CROCC: variants seen among roughly 807,000 people sequenced by gnomAD.
The protein encoded by CROCC is rootletin.
A neutral mutation model predicts 245.2 loss-of-function variants in CROCC; 180 were observed. That is an observed-to-expected ratio of 0.73 (90% CI 0.65 to 0.83). CROCC has a LOEUF of 0.83. Ranked by LOEUF, CROCC falls within the 40% of genes least tolerant of loss-of-function variation. The probability of loss-of-function intolerance (pLI) is 0.00; values close to 1 mark genes in which losing one functional copy is unlikely to be tolerated. For missense variants in CROCC, 2,688 were observed against 2,779.4 expected (o/e 0.97, Z 0.74); for synonymous variants, 1,205 against 1,241.6 (o/e 0.97, Z 0.62).
chr1:16,940,209 T>C, intron 13 of CROCC, 116 bp downstream of exon 13: 1 of 1,131,156 alleles, frequency 8.8e-7, no homozygotes, highest in Non-Finnish European at 1.2e-6. Flanking sequence ...TAGCTGCATG[T>C]GCCTATTAAC....
intron 31 of CROCC, 126 bp downstream of exon 31, chr1:16,968,544 G>A: frequency 1.0e-6 from 1 of 997,166 alleles, no homozygotes; most frequent in Non-Finnish European, 1.4e-6. Context: ...TTCACAGATG[G>A]ACAAATGGAG....
At chr1:16,933,399 G>A (rs9435790) in intron 8 of CROCC, among the ~76,000 whole-genome samples, 8,358 of 150,006 alleles carry the variant, frequency 0.056, no homozygotes, top group African/African-American at 0.084. Context: ...CCCAGGAGGC[G>A]GAGGTTTCAG....
chr1:16,944,051 A>G (rs1231080279), intron 13 of CROCC, 49 bp from the exon 14 acceptor site: 3 of 1,476,932 alleles, frequency 2.0e-6, no homozygotes, highest in Non-Finnish European at 2.7e-6. Context: ...CCTTCCCTGC[A>G]GAGAGCAGCC....
rs1311565355 is a variant in CROCC, at chr1:16,948,920, C to T, written c.2830C>T (p.Leu944=). The T allele has an allele frequency of 6.2e-7, 1 of 1,611,430 alleles. No individual in the cohort carries two copies. Among genetic ancestry groups the T allele is most frequent in the South Asian group, 1.1e-5 (1 of 90,962 alleles). Residue 944 remains leucine, a synonymous_variant, in exon 19 of 37, where the codon CTG becomes TTG. Coordinates refer to ENST00000375541, the MANE Select transcript of CROCC (RefSeq NM_014675.5). ...GGCCCTGCTGCTGGCCAAGGAGACC[C>T]TGACTGGTACGAGGGGCTGGGGACT... ...GQALLLAKET[L]TGELAGLRQQ... is the part of the protein sequence containing the mutation.
At chr1:16,920,086 ATTTATAT>A (rs2075371516), upstream of CROCC, among the ~76,000 whole-genome samples, 1 of 126,098 alleles carries the variant, frequency 7.9e-6, no homozygotes, top group Admixed American at 8.0e-5. Context: ...TTATTTATTT[ATTTATAT>A]TTTTGAGACG....
chr1:16,918,300 C>CTTTT (rs201445636), upstream of CROCC, among the ~76,000 whole-genome samples: 405 of 123,758 alleles, frequency 3.3e-3, 2 homozygotes, highest in Admixed American at 4.5e-3. Context: ...GGAATTCAGT[C>CTTTT]TTTTTTTTTT....
At chr1:16,929,536 G>A (rs1456865354) in intron 3 of CROCC, among the ~76,000 whole-genome samples, 1 of 152,300 alleles carries the variant, frequency 6.6e-6, no homozygotes, top group African/African-American at 2.4e-5. Flanking sequence ...TTCTGGAGGA[G>A]AGGCACATGG....
At chr1:16,937,002 T>C (rs1252849834) in intron 9 of CROCC, 129 bp downstream of exon 9, 27 of 1,009,830 alleles carry the variant, frequency 2.7e-5, no homozygotes, top group Middle Eastern at 6.3e-4. Context: ...AGTCTTCCCA[T>C]GCACTGAGGT....
chr1:16,927,441 C>T (rs2075560438), intron 3 of CROCC, among the ~76,000 whole-genome samples: 1 of 152,266 alleles, frequency 6.6e-6, no homozygotes, highest in Admixed American at 6.5e-5. Flanking sequence ...GCACACCCCC[C>T]AGACCCACCC....
chr1:16,923,217 T>C (rs1445033554), intron 2 of CROCC, among the ~76,000 whole-genome samples: 1 of 152,272 alleles, frequency 6.6e-6, no homozygotes, highest in East Asian at 1.9e-4. Flanking sequence ...AGGCGGATGG[T>C]CCCTGCTCCT....
intron 1 of CROCC, among the ~76,000 whole-genome samples, chr1:16,914,899 G>GTCTGTTTACGCCAGAAAACAGAGATT (rs1429135138): frequency 5.9e-5 from 9 of 152,286 alleles, no homozygotes; most frequent in Non-Finnish European, 1.0e-4. Context: ...GGTGCCATCT[G>GTCTGTTTACGCCAGAAAACAGAGATT]TCTGTTTACG....
chr1:16,966,009 G>A lies in CROCC; in HGVS notation c.4586G>A (p.Arg1529Gln), dbSNP rs1371578282. 3.1e-6 allele frequency: 5 copies of A among 1,612,844 alleles called. No homozygotes were observed. The highest frequency in any genetic ancestry group is 1.7e-4 in the Middle Eastern group (1 of 6,050). ...ATGTCGGGGCTACAGGACGAACTTC[G>A]GACCCAGACCAGTGCCCTGAATCGC... The part of the protein sequence containing the change: ...RSAQRERDEL[R>Q]TQTSALNRQL... The change falls in exon 29 of 37, where the codon CGG becomes CAG. Residue 1529 changes from arginine to glutamine, a missense_variant. By Grantham distance (43) the Arg-to-Gln change is conservative (BLOSUM62 1). This residue lies in a region of CROCC where 1,218 missense variants were observed against 1,286.3 expected (regional missense o/e 0.95). Transcript: ENST00000375541. This position sits in a 1 kb window ranked among gnomAD's most constrained non-coding sequence, Gnocchi z 4.8.
chr1:16,954,973 C>A lies in CROCC; in HGVS notation c.3465+96C>A. ...CAGGGCCCCAGAAGAGTGTAAGATTCCTCCCTGCATTTGAGGACCAATGAA... is the reference window on the plus strand; with the variant it reads ...CAGGGCCCCAGAAGAGTGTAAGATTACTCCCTGCATTTGAGGACCAATGAA... On this transcript the variant is annotated intron_variant, in intron 23 of 36. Transcript: ENST00000375541. The surrounding 1 kb of genome is among the most constrained non-coding windows in gnomAD (Gnocchi z 4.4). 1 of 1,385,544 alleles carries A rather than the reference C, an allele frequency of 7.2e-7. No individual in the cohort carries two copies. The highest frequency in any genetic ancestry group is 9.5e-7 in the Non-Finnish European group (1 of 1,047,852). 85.8% of individuals were successfully genotyped at this position (1,385,544 alleles called of 1,614,324 possible). A position where few individuals can be genotyped will look rare whatever the true frequency, so the allele number is the denominator to read the frequency against.
rs1345384836 is a variant in CROCC, at chr1:16,941,761, T to A, written c.1808+1668T>A. ...AAAAAAAAAAAAGAAAAAATTCAGT[T>A]CTTTAGTTGCCCTAGCCACATTTCA... On this transcript the variant is annotated intron_variant, in intron 13 of 36. Coordinates refer to ENST00000375541, the MANE Select transcript of CROCC (RefSeq NM_014675.5). Among the ~76,000 whole-genome samples the A allele has an allele frequency of 5.9e-5, 9 of 152,176 alleles. No individual in the cohort carries two copies. The East Asian group carries it at 1.7e-3, about 29-fold the overall frequency.
Position 16,936,726 on chromosome 1 carries a change from C to T in CROCC, c.1046C>T (p.Ala349Val). ...GGACTGAGCACGGGCCTACGGCTGG[C>T]AGAGAGCCGGGCCGAGGCAGCCCTG... ...GLGLSTGLRLAESRAEAALEK... is the reference protein window; with the variant it reads ...GLGLSTGLRLVESRAEAALEK... Residue 349 changes from alanine to valine, a missense_variant, in exon 9 of 37, where the codon GCA becomes GTA. By Grantham distance (64) the Ala-to-Val change is moderately conservative (BLOSUM62 0). Transcript: ENST00000375541. 7 of 1,607,982 alleles carry T rather than the reference C, an allele frequency of 4.4e-6. No homozygotes were observed. The highest frequency in any genetic ancestry group is 5.9e-6 in the Non-Finnish European group (7 of 1,178,258).
At chr1:16,941,882 T>G (rs2075942286) in intron 13 of CROCC, among the ~76,000 whole-genome samples, 1 of 152,270 alleles carries the variant, frequency 6.6e-6, no homozygotes, top group Non-Finnish European at 1.5e-5. Context: ...TGGAGTTTTT[T>G]TTAGAGATGG....
At chr1:16,942,664 G>A (rs1332608159) in intron 13 of CROCC, among the ~76,000 whole-genome samples, 1 of 152,288 alleles carries the variant, frequency 6.6e-6, no homozygotes, top group African/African-American at 2.4e-5. Context: ...CATACAGCGT[G>A]TGTGGCTGGG....
intron 26 of CROCC, among the ~76,000 whole-genome samples, chr1:16,959,783 C>T (rs1026431982): frequency 3.9e-5 from 6 of 152,276 alleles, no homozygotes; most frequent in African/African-American, 1.2e-4. Flanking sequence ...CCTCTGGACA[C>T]AGCTCCCTTT....
chr1:16,947,629 G>A (rs1157151691), intron 17 of CROCC, among the ~76,000 whole-genome samples: 5 of 152,314 alleles, frequency 3.3e-5, no homozygotes, highest in Middle Eastern at 3.4e-3. Context: ...ATCCTGGAGC[G>A]CCTAGGTTTC....
Sources: allele counts gnomAD v4.1 joint callset (sites outside exome capture counted in the v4.1 genomes callset), GRCh38; gene constraint gnomAD v4.1.1; regional missense constraint gnomAD v4.1.1; non-coding constraint Gnocchi (gnomAD v3.1); transcripts MANE v1.5; gene names NCBI Gene and HGNC (gene_info 2026-07-23, HGNC 2026-07-21).